Variants in ARHGAP39 observed in about 807,000 individuals in gnomAD.
The protein encoded by ARHGAP39 is rho GTPase-activating protein 39.
Under a neutral mutation model 106.9 loss-of-function variants are expected in ARHGAP39, and 44 were observed. The observed-to-expected ratio is 0.41, with a 90% CI of 0.32 to 0.53. The LOEUF (loss-of-function observed/expected upper bound fraction) is 0.53, where lower values mean the gene tolerates loss of function less well. ARHGAP39 is among the 20% of genes least tolerant of loss of function. ARHGAP39 has a pLI of 0.21. For missense variants in ARHGAP39, 1,496 were observed against 1,577.3 expected, an observed-to-expected ratio of 0.95 and a Z score of 0.87; for synonymous variants, 768 against 693.2, an observed-to-expected ratio of 1.11 and a Z score of -1.69.
intron 1 of ARHGAP39, among the ~76,000 whole-genome samples, chr8:144,619,601 A>G (rs1820734029): frequency 7.2e-6 from 1 of 138,190 alleles, no homozygotes; most frequent in Non-Finnish European, 1.6e-5. Flanking sequence ...TCCCTGAGAG[A>G]GCGTGCATGT....
At chr8:144,661,246 C>T (rs1821815132) in intron 1 of ARHGAP39, among the ~76,000 whole-genome samples, 1 of 152,212 alleles carries the variant, frequency 6.6e-6, no homozygotes, top group Non-Finnish European at 1.5e-5. Flanking sequence ...AGGAGGAGGC[C>T]ATTCCACTCT....
intron 4 of ARHGAP39, among the ~76,000 whole-genome samples, chr8:144,550,287 TAAATAA>T (rs1004908965): frequency 6.7e-6 from 1 of 149,524 alleles, no homozygotes; most frequent in African/African-American, 2.5e-5. Flanking sequence ...AAAAAGTAAA[TAAATAA>T]AAATAAAAAG....
chr8:144,630,492 C>T (rs1307755034), intron 1 of ARHGAP39, among the ~76,000 whole-genome samples: 2 of 152,264 alleles, frequency 1.3e-5, no homozygotes, highest in African/African-American at 2.4e-5. Flanking sequence ...GTGCTGAGCA[C>T]ACAAGCCCGA....
At chr8:144,662,470 ACTC>A (rs2129689929) in intron 1 of ARHGAP39, among the ~76,000 whole-genome samples, 1 of 77,210 alleles carries the variant, frequency 1.3e-5, no homozygotes, top group Middle Eastern at 0.013. Context: ...ACCTTGGGTC[ACTC>A]CTCCCCTCCC....
intron 2 of ARHGAP39, among the ~76,000 whole-genome samples, chr8:144,595,860 G>A (rs956819539): frequency 3.9e-5 from 6 of 152,274 alleles, no homozygotes; most frequent in South Asian, 2.1e-4. Context: ...CCCTCCCGCC[G>A]CGCCGCCATC....
chr8:144,670,281 C>T lies in ARHGAP39; in HGVS notation c.-82+15405G>A, dbSNP rs1236467371. Among the ~76,000 whole-genome samples, 8 of 151,916 alleles carry T rather than the reference C, an allele frequency of 5.3e-5. No individual in the cohort carries two copies. The highest frequency in any genetic ancestry group is 1.3e-4 in the Admixed American group (2 of 15,248). ...GCTGTAAAAAGCAACAGAGCTCGGA[C>T]GCGTGCTAGAGTGTACCGGGAAGCA... On this transcript the variant is annotated intron_variant, in intron 1 of 11. Transcript: ENST00000377307. This position sits in a 1 kb window ranked among gnomAD's most constrained non-coding sequence, Gnocchi z 4.4.
intron 1 of ARHGAP39, among the ~76,000 whole-genome samples, chr8:144,615,691 C>G (rs1820617600): frequency 6.6e-6 from 1 of 152,230 alleles, no homozygotes; most frequent in Non-Finnish European, 1.5e-5. Context: ...CCAGAAGGCC[C>G]AAGTTCCACT....
intron 3 of ARHGAP39, among the ~76,000 whole-genome samples, chr8:144,572,356 T>G (rs1818616707): frequency 6.6e-6 from 1 of 152,092 alleles, no homozygotes; most frequent in Non-Finnish European, 1.5e-5. Context: ...TGACAAACCT[T>G]ACAAAAACAA....
rs1361352066 is a variant in ARHGAP39 at position 144,548,057 on chromosome 8, G to A, written c.1029C>T (p.Gly343=). 1.3e-6 allele frequency: 2 copies of A among 1,597,950 alleles called. No individual in the cohort carries two copies. Among genetic ancestry groups the A allele is most frequent in the Non-Finnish European group, 1.7e-6 (2 of 1,173,122 alleles). ...QFEAGGGYQA[G]SPQRSPGRKP... ...TACGGCCCGGCGACCGCTGGGGAGA[G>A]CCGGCCTGGTAGCCCCCGCCAGCCT... Residue 343 remains glycine (G), a synonymous_variant, in exon 5 of 12, where the codon GGC becomes GGT. Coordinates refer to ENST00000377307, the MANE Select transcript of ARHGAP39 (RefSeq NM_025251.3). The surrounding 1 kb of genome is among the most constrained non-coding windows in gnomAD (Gnocchi z 7.4).
intron 6 of ARHGAP39, among the ~76,000 whole-genome samples, chr8:144,538,526 T>C (rs1247348910): frequency 1.3e-5 from 2 of 152,246 alleles, no homozygotes; most frequent in African/African-American, 4.8e-5. Flanking sequence ...TGTCTATTCC[T>C]ACCTATTGAA....
At chr8:144,577,197 A>G (rs1818808751) in intron 3 of ARHGAP39, among the ~76,000 whole-genome samples, 1 of 152,338 alleles carries the variant, frequency 6.6e-6, no homozygotes, top group African/African-American at 2.4e-5. Flanking sequence ...TTCATGGATC[A>G]TATGAAAGCC....
At chr8:144,658,999 T>C (rs190093013) in intron 1 of ARHGAP39, among the ~76,000 whole-genome samples, 3 of 152,252 alleles carry the variant, frequency 2.0e-5, no homozygotes, top group Admixed American at 6.5e-5. Context: ...ACCAGGTTCA[T>C]GGATGTGGCA....
intron 2 of ARHGAP39, among the ~76,000 whole-genome samples, chr8:144,593,091 G>C (rs777241138): frequency 6.6e-6 from 1 of 152,240 alleles, no homozygotes; most frequent in Non-Finnish European, 1.5e-5. Context: ...AGGGGACTCA[G>C]GGTACCCGGC....
At chr8:144,631,137 G>T (rs1821051960) in intron 1 of ARHGAP39, among the ~76,000 whole-genome samples, 1 of 152,230 alleles carries the variant, frequency 6.6e-6, no homozygotes, top group African/African-American at 2.4e-5. Flanking sequence ...CAGAGCCAGA[G>T]CTCACTCATC....
At chr8:144,608,177 A>G (rs951815438) in intron 1 of ARHGAP39, among the ~76,000 whole-genome samples, 2 of 151,064 alleles carry the variant, frequency 1.3e-5, no homozygotes, top group African/African-American at 4.9e-5. Context: ...AAAAAAAAAA[A>G]AAAAGGAAAA....
At chr8:144,648,740 G>A (rs1268269676) in intron 1 of ARHGAP39, among the ~76,000 whole-genome samples, 1 of 152,166 alleles carries the variant, frequency 6.6e-6, no homozygotes, top group Non-Finnish European at 1.5e-5. Context: ...AAAGCTAGCT[G>A]AGCTGAATGA....
At chr8:144,621,488 G>A (rs1317628515) in intron 1 of ARHGAP39, among the ~76,000 whole-genome samples, 3 of 152,244 alleles carry the variant, frequency 2.0e-5, no homozygotes, top group Non-Finnish European at 4.4e-5. Context: ...GAGGCAAGAG[G>A]CGGGAAGGGC....
intron 4 of ARHGAP39, among the ~76,000 whole-genome samples, chr8:144,552,506 A>T (rs192563693): frequency 6.6e-6 from 1 of 152,240 alleles, no homozygotes; most frequent in Non-Finnish European, 1.5e-5. Flanking sequence ...TACGTCTGAA[A>T]TTATGCTTGA....
chr8:144,601,374 G>A (rs1382881491), intron 2 of ARHGAP39, among the ~76,000 whole-genome samples: 3 of 148,418 alleles, frequency 2.0e-5, no homozygotes, highest in Admixed American at 6.7e-5. Context: ...TCATGTACCT[G>A]TGTGTGCGTT....
Sources: allele counts gnomAD v4.1 joint callset (sites outside exome capture counted in the v4.1 genomes callset), GRCh38; gene constraint gnomAD v4.1.1; non-coding constraint Gnocchi (gnomAD v3.1); transcripts MANE v1.5; gene names NCBI Gene and HGNC (gene_info 2026-07-23, HGNC 2026-07-21).